Variants in ADCK1 observed in about 807,000 individuals in gnomAD.
ADCK1 encodes the protein aarF domain-containing protein kinase 1.
ADCK1 carries 41 observed loss-of-function variants against 52.3 expected under a neutral mutation model. That is an observed-to-expected ratio of 0.78 (90% CI 0.61 to 1.02). ADCK1 has a LOEUF of 1.02. Among genes scored for constraint, ADCK1 ranks in the 50% least tolerant of loss-of-function variants. The pLI, the probability that ADCK1 is intolerant of heterozygous loss-of-function variation, is 0.00. For synonymous variants in ADCK1, 250 were observed against 274.6 expected, an observed-to-expected ratio of 0.91 and a Z score of 0.89; for missense variants, 658 against 679.5, an observed-to-expected ratio of 0.97 and a Z score of 0.35.
chr14:77,826,847 C>T (rs1036007926), intron 3 of ADCK1, among the ~76,000 whole-genome samples: 4 of 152,264 alleles, frequency 2.6e-5, no homozygotes, highest in Middle Eastern at 3.4e-3. Flanking sequence ...AGGTGATCAG[C>T]GGAGTCTATT....
chr14:77,882,372 G>A (rs1030213323), intron 4 of ADCK1, among the ~76,000 whole-genome samples: 1 of 152,250 alleles, frequency 6.6e-6, no homozygotes, highest in Non-Finnish European at 1.5e-5. Flanking sequence ...CTTGGTCTTG[G>A]CATCTAGGCC....
chr14:77,851,098 C>A (rs560709411), intron 3 of ADCK1, among the ~76,000 whole-genome samples: 1 of 150,994 alleles, frequency 6.6e-6, no homozygotes, highest in South Asian at 2.1e-4. Context: ...AAGAGCGTTT[C>A]TTTTAGGCAG....
rs76436172 is a variant in ADCK1, at chr14:77,872,533, C to T, written c.423+13254C>T. 2.6e-5 allele frequency among the ~76,000 whole-genome samples: 4 copies of T among 151,974 alleles called. No homozygotes were observed. In the East Asian group the frequency reaches 7.8e-4, roughly 29 times the overall value. On this transcript the variant is annotated intron_variant, in intron 4 of 10. Coordinates refer to ENST00000238561, the MANE Select transcript of ADCK1 (RefSeq NM_020421.4). ...GGTGTTAGGCTCTTCCCTGTCTTAC[C>T]CCTGGGAAAGGTGCTGCCTCTCTGT...
intron 3 of ADCK1, among the ~76,000 whole-genome samples, chr14:77,854,885 A>G (rs2082386284): frequency 6.6e-6 from 1 of 152,142 alleles, no homozygotes; most frequent in Non-Finnish European, 1.5e-5. Context: ...GCAAATCAAC[A>G]AATTCAGAGC....
chr14:77,863,447 C>T (rs1365375383), intron 4 of ADCK1, among the ~76,000 whole-genome samples: 4 of 151,800 alleles, frequency 2.6e-5, no homozygotes, highest in Non-Finnish European at 5.9e-5. Flanking sequence ...TATCTTTGGT[C>T]ATGCACACAC....
intron 3 of ADCK1, among the ~76,000 whole-genome samples, chr14:77,838,036 A>G (rs538005478): frequency 1.3e-5 from 2 of 152,338 alleles, no homozygotes; most frequent in African/African-American, 4.8e-5. Context: ...GGTGATCGAG[A>G]TGCTTGTTAA....
intron 7 of ADCK1, among the ~76,000 whole-genome samples, chr14:77,918,303 A>G (rs915433901): frequency 6.6e-6 from 1 of 152,210 alleles, no homozygotes; most frequent in Admixed American, 6.5e-5. Context: ...TGCAGTTCAT[A>G]TCGTATTTTC....
At chr14:77,878,525 G>A (rs866828915) in intron 4 of ADCK1, among the ~76,000 whole-genome samples, 5 of 152,330 alleles carry the variant, frequency 3.3e-5, no homozygotes, top group East Asian at 1.9e-4. Context: ...TGCAGGGCCC[G>A]TCTTGCCTGG....
intron 4 of ADCK1, among the ~76,000 whole-genome samples, chr14:77,881,505 G>A (rs2140191777): frequency 6.6e-6 from 1 of 152,266 alleles, no homozygotes; most frequent in South Asian, 2.1e-4. Flanking sequence ...TCAAAGGGAG[G>A]AGTATTATTT....
intron 3 of ADCK1, among the ~76,000 whole-genome samples, chr14:77,836,330 T>C (rs1423330439): frequency 6.6e-6 from 1 of 152,246 alleles, no homozygotes; most frequent in Admixed American, 6.5e-5. Context: ...GATTTTGTTA[T>C]AGAAGCACAA....
intron 4 of ADCK1, among the ~76,000 whole-genome samples, chr14:77,866,345 G>A (rs927087580): frequency 6.6e-6 from 1 of 152,196 alleles, no homozygotes; most frequent in Non-Finnish European, 1.5e-5. Flanking sequence ...GCACATGACT[G>A]TACTGTTTTG....
At chr14:77,870,285 C>T (rs55970713) in intron 4 of ADCK1, among the ~76,000 whole-genome samples, 6,837 of 152,300 alleles carry the variant, frequency 0.045, 316 homozygotes, top group African/African-American at 0.11. Context: ...CTGATGACAT[C>T]TCCACTCTTC....
chr14:77,803,591 C>T (rs2081158686), intron 1 of ADCK1, among the ~76,000 whole-genome samples: 2 of 152,178 alleles, frequency 1.3e-5, no homozygotes, highest in South Asian at 2.1e-4. Context: ...AGATGGATTC[C>T]ATTCTTGTCA....
At chr14:77,843,401 C>T (rs528694596) in intron 3 of ADCK1, among the ~76,000 whole-genome samples, 15 of 152,254 alleles carry the variant, frequency 9.9e-5, no homozygotes, top group East Asian at 7.7e-4. Context: ...CTCTTCTAGC[C>T]GCTGAACAAC....
In ADCK1 at chr14:77,855,487, T is replaced by C. The variant is rs530419942; in HGVS notation, c.220-3589T>C. Among the ~76,000 whole-genome samples the C allele has an allele frequency of 2.0e-5, 3 of 152,264 alleles. No homozygotes were observed. The South Asian group carries it at 6.2e-4, about 32-fold the overall frequency. ...TCCTGTGTTCTTAACTGCAGAACTA[T>C]CCCATGTGTGGTCAGGGTGGGGTTC... On this transcript the variant is annotated intron_variant, in intron 3 of 10. Transcript: ENST00000238561.
Position 77,822,519 on chromosome 14 carries a change from G to A in ADCK1, c.219+1G>A. The A allele has an allele frequency of 6.2e-7, 1 of 1,612,488 alleles. No individual in the cohort carries two copies. The highest frequency in any genetic ancestry group is 1.3e-5 in the African/African-American group (1 of 74,990). On this transcript the variant is annotated splice_donor_variant, in intron 3 of 10. Coordinates refer to ENST00000238561, the MANE Select transcript of ADCK1 (RefSeq NM_020421.4). LOFTEE classifies it high-confidence loss of function. ...GGAGTACTTGCAGCTGAGATCTAAG[G>A]TAAGTAACCCATGGGACCCATCTGA...
chr14:77,815,147 A>G (rs2081418638), intron 1 of ADCK1, among the ~76,000 whole-genome samples: 1 of 149,642 alleles, frequency 6.7e-6, no homozygotes, highest in African/African-American at 2.5e-5. Flanking sequence ...CCTCCCACCA[A>G]GCCTGGCCCA....
chr14:77,822,082 C>T (rs1004433010), intron 2 of ADCK1, among the ~76,000 whole-genome samples: 3 of 152,170 alleles, frequency 2.0e-5, no homozygotes, highest in Non-Finnish European at 4.4e-5. Context: ...AGGACAAGCC[C>T]CCGTGCTTCT....
intron 3 of ADCK1, among the ~76,000 whole-genome samples, chr14:77,850,007 C>A (rs1364626098): frequency 6.6e-6 from 1 of 151,988 alleles, no homozygotes; most frequent in East Asian, 1.9e-4. Flanking sequence ...CATAGTGAGA[C>A]CAGCCTGGGC....
Sources: gnomAD v4.1 joint callset for allele counts (sites outside exome capture counted in the v4.1 genomes callset) on GRCh38, gnomAD v4.1.1 for gene constraint, MANE v1.5 for transcripts, NCBI Gene and HGNC (gene_info 2026-07-23, HGNC 2026-07-21) for gene names.